Variants in PIP4K2A observed in about 807,000 individuals in gnomAD.
PIP4K2A encodes the protein phosphatidylinositol-5-phosphate 4-kinase type 2 alpha.
Under a neutral mutation model 42.9 loss-of-function variants are expected in PIP4K2A, and 14 were observed. The observed-to-expected ratio is 0.33, with a 90% confidence interval of 0.22 to 0.51. The LOEUF (loss-of-function observed/expected upper bound fraction) is 0.51, where lower values mean the gene tolerates loss of function less well. Ranked by LOEUF, PIP4K2A falls within the 20% of genes least tolerant of loss-of-function variation. The pLI, the probability that PIP4K2A is intolerant of heterozygous loss-of-function variation, is 0.97. For missense variants in PIP4K2A, 434 were observed against 519.8 expected (o/e 0.83, Z 1.61); for synonymous variants, 192 against 192.2 (o/e 1.00, Z 0.01).
At position 22,714,483 on chromosome 10, in the gene PIP4K2A, C is replaced by T. The variant is rs1253622649; in HGVS notation, c.-157G>A. 1.8e-5 allele frequency: 4 copies of T among 222,032 alleles called. No homozygotes were observed. The highest frequency in any genetic ancestry group is 3.0e-5 in the Non-Finnish European group (4 of 134,912). 13.8% of individuals were successfully genotyped at this position (222,032 alleles called of 1,614,324 possible). On this transcript the variant is annotated 5_prime_UTR_variant, in exon 1 of 10. Coordinates refer to ENST00000376573, the MANE Select transcript of PIP4K2A (RefSeq NM_005028.5). ...CGCCGCCGGCGCGCTCAGCCCCACTCGGCTCGCTCCGCCCGCTCGGCCCGG... is the reference window on the plus strand; with the variant it reads ...CGCCGCCGGCGCGCTCAGCCCCACTTGGCTCGCTCCGCCCGCTCGGCCCGG...
chr10:22,661,270 A>G (rs1839199543), intron 1 of PIP4K2A, among the ~76,000 whole-genome samples: 1 of 151,522 alleles, frequency 6.6e-6, no homozygotes, highest in South Asian at 2.1e-4. Context: ...TGAAAGCAAC[A>G]CTTATCCTCC....
intron 1 of PIP4K2A, among the ~76,000 whole-genome samples, chr10:22,686,855 G>T (rs987167280): frequency 2.0e-5 from 3 of 152,072 alleles, no homozygotes; most frequent in African/African-American, 7.2e-5. Context: ...TCACGCTGAC[G>T]CAGCTAAATT....
intron 1 of PIP4K2A, among the ~76,000 whole-genome samples, chr10:22,705,426 T>TGA (rs1833801924): frequency 3.4e-5 from 1 of 29,244 alleles, no homozygotes; most frequent in Admixed American, 5.3e-4. Context: ...GTACCCCAGT[T>TGA]AAAAAAAAAA....
chr10:22,612,453 G>A (rs1838069842), intron 1 of PIP4K2A, among the ~76,000 whole-genome samples: 1 of 152,216 alleles, frequency 6.6e-6, no homozygotes, highest in Non-Finnish European at 1.5e-5. Context: ...GAGTCCTAGA[G>A]AGGAGGGGAC....
intron 7 of PIP4K2A, among the ~76,000 whole-genome samples, chr10:22,546,199 G>A (rs76067636): frequency 0.028 from 4,211 of 152,132 alleles, 188 homozygotes; most frequent in African/African-American, 0.094. Context: ...ACCTCACAGG[G>A]GTGTCGAAGA....
intron 6 of PIP4K2A, among the ~76,000 whole-genome samples, chr10:22,561,010 T>C (rs1321080341): frequency 6.6e-6 from 1 of 152,232 alleles, no homozygotes; most frequent in African/African-American, 2.4e-5. Flanking sequence ...TCAGCTATAA[T>C]TACTAATTTG....
At chr10:22,681,096 T>C (rs752279780) in intron 1 of PIP4K2A, among the ~76,000 whole-genome samples, 7 of 152,200 alleles carry the variant, frequency 4.6e-5, no homozygotes, top group Non-Finnish European at 8.8e-5. Context: ...CCCCTAGAAA[T>C]GTACTGCCCC....
chr10:22,615,205 C>G (rs1342348004), intron 1 of PIP4K2A, among the ~76,000 whole-genome samples: 1 of 152,132 alleles, frequency 6.6e-6, no homozygotes, highest in Non-Finnish European at 1.5e-5. Flanking sequence ...CTCCCAGGCT[C>G]AAGCAGTCCT....
intron 1 of PIP4K2A, among the ~76,000 whole-genome samples, chr10:22,611,244 G>A (rs1044436181): frequency 9.9e-5 from 15 of 152,036 alleles, no homozygotes; most frequent in African/African-American, 2.9e-4. Context: ...ACAAAAGTTA[G>A]CTGGGCGTGG....
intron 1 of PIP4K2A, among the ~76,000 whole-genome samples, chr10:22,650,174 A>C (rs569100048): frequency 6.6e-6 from 1 of 152,294 alleles, no homozygotes; most frequent in South Asian, 2.1e-4. Context: ...TTCCCAGGTG[A>C]CCCAGCTCTG....
intron 4 of PIP4K2A, among the ~76,000 whole-genome samples, chr10:22,585,944 C>T (rs1451109594): frequency 6.6e-6 from 1 of 151,112 alleles, no homozygotes; most frequent in African/African-American, 2.4e-5. Context: ...TACCAAAGCT[C>T]CCAATGAATT....
intron 4 of PIP4K2A, among the ~76,000 whole-genome samples, chr10:22,589,831 A>G (rs944422318): frequency 3.3e-5 from 5 of 152,204 alleles, no homozygotes; most frequent in Non-Finnish European, 7.3e-5. Context: ...TATTTTGAAT[A>G]CCCATTGTGA....
chr10:22,648,527 T>C (rs758584816), intron 1 of PIP4K2A, among the ~76,000 whole-genome samples: 3 of 152,226 alleles, frequency 2.0e-5, no homozygotes, highest in Non-Finnish European at 4.4e-5. Flanking sequence ...TTTCCAAGTA[T>C]TTTCCTCAGA....
At chr10:22,630,245 A>G (rs1029538671) in intron 1 of PIP4K2A, among the ~76,000 whole-genome samples, 1 of 151,770 alleles carries the variant, frequency 6.6e-6, no homozygotes, top group Non-Finnish European at 1.5e-5. Context: ...CTGGGGTTTC[A>G]TATCAAACAG....
intron 8 of PIP4K2A, among the ~76,000 whole-genome samples, chr10:22,541,461 ATG>A (rs1051285522): frequency 2.0e-5 from 3 of 152,226 alleles, no homozygotes; most frequent in Admixed American, 6.5e-5. Context: ...GTGAACATGT[ATG>A]TGTGCATATG....
At chr10:22,600,321 A>G (rs1225701540) in intron 3 of PIP4K2A, among the ~76,000 whole-genome samples, 2 of 152,018 alleles carry the variant, frequency 1.3e-5, no homozygotes, top group African/African-American at 4.8e-5. Flanking sequence ...GTGTAAAGCC[A>G]CCCTCGTATA....
At chr10:22,541,191 A>G (rs994386717) in intron 8 of PIP4K2A, among the ~76,000 whole-genome samples, 2 of 152,204 alleles carry the variant, frequency 1.3e-5, no homozygotes, top group Non-Finnish European at 2.9e-5. Context: ...GAAGAGGGCC[A>G]TAGGCCCTTC....
At chr10:22,677,432 A>G (rs975344255) in intron 1 of PIP4K2A, among the ~76,000 whole-genome samples, 2 of 152,198 alleles carry the variant, frequency 1.3e-5, no homozygotes, top group African/African-American at 4.8e-5. Flanking sequence ...AAGAGGGAGT[A>G]GGCTGCTGGA....
At chr10:22,674,551 G>C (rs1839518347) in intron 1 of PIP4K2A, among the ~76,000 whole-genome samples, 1 of 151,834 alleles carries the variant, frequency 6.6e-6, no homozygotes, top group African/African-American at 2.4e-5. Context: ...GTTAGGTGTA[G>C]TTCTTTAACT....
Sources: gnomAD v4.1 joint callset for allele counts (sites outside exome capture counted in the v4.1 genomes callset) on GRCh38, gnomAD v4.1.1 for gene constraint, MANE v1.5 for transcripts, NCBI Gene and HGNC (gene_info 2026-07-23, HGNC 2026-07-21) for gene names.